LOC400499: variants seen among roughly 807,000 people sequenced by gnomAD.
chr16:11,513,535 A>T, the LOC400499 span, among the ~76,000 whole-genome samples: 3 of 151,968 alleles, frequency 2.0e-5, no homozygotes, highest in East Asian at 1.9e-4. Flanking sequence ...GGTTCAAACG[A>T]TTCTCCGGCT....
chr16:11,372,829 C>T, the LOC400499 span: 1 of 460,794 alleles, frequency 2.2e-6, no homozygotes, highest in Non-Finnish European at 2.9e-6. Context: ...GCTAGGGCCC[C>T]TGGCCTTCAT....
chr16:11,384,870 C>G, the LOC400499 span: 1 of 1,232,300 alleles, frequency 8.1e-7, no homozygotes, highest in Non-Finnish European at 1.0e-6. Context: ...GGCCAACCCT[C>G]CTGGGGCCCA....
chr16:11,506,512 T>C, the LOC400499 span, among the ~76,000 whole-genome samples: 2 of 152,138 alleles, frequency 1.3e-5, no homozygotes, highest in Non-Finnish European at 2.9e-5. Flanking sequence ...ACACCCAAGA[T>C]TGGTGATAAG....
At chr16:11,464,113 T>A in the LOC400499 span, among the ~76,000 whole-genome samples, 1 of 152,162 alleles carries the variant, frequency 6.6e-6, no homozygotes, top group African/African-American at 2.4e-5. Context: ...TATCTACATG[T>A]GGATGTTCGT....
chr16:11,505,600 C>T, the LOC400499 span, among the ~76,000 whole-genome samples: 106,398 of 151,142 alleles, frequency 0.7, 37,627 homozygotes, highest in Admixed American at 0.76. Context: ...ACCACAGGCA[C>T]GTACCACCAT....
chr16:11,469,274 G>T, the LOC400499 span: 2 of 399,124 alleles, frequency 5.0e-6, no homozygotes, highest in Non-Finnish European at 8.8e-6. Flanking sequence ...CAAAACAAGA[G>T]TTTAGAGACA....
At chr16:11,472,026 C>T in the LOC400499 span, 5 of 389,838 alleles carry the variant, frequency 1.3e-5, no homozygotes, top group Non-Finnish European at 2.3e-5. Context: ...ATCAGATCAT[C>T]TTATTTGGGG....
chr16:11,406,896 G>C, the LOC400499 span, among the ~76,000 whole-genome samples: 1 of 152,148 alleles, frequency 6.6e-6, no homozygotes, highest in Non-Finnish European at 1.5e-5. Context: ...GGCATATTTC[G>C]TTTGTGTGAT....
At chr16:11,475,960 G>C in the LOC400499 span, among the ~76,000 whole-genome samples, 16 of 151,942 alleles carry the variant, frequency 1.1e-4, no homozygotes, top group Non-Finnish European at 2.9e-5. Context: ...GGGCTGTCTC[G>C]GGGATAGAGC....
At chr16:11,390,119 G>A in the LOC400499 span, 1 of 1,232,332 alleles carries the variant, frequency 8.1e-7, no homozygotes, top group Non-Finnish European at 1.0e-6. Context: ...CCGACAGGCT[G>A]TACAGGTCCA....
chr16:11,504,373 T>G, the LOC400499 span, among the ~76,000 whole-genome samples: 1 of 151,954 alleles, frequency 6.6e-6, no homozygotes, highest in Non-Finnish European at 1.5e-5. Flanking sequence ...ATGGCCAACA[T>G]GGTGAAACTC....
chr16:11,472,403 G>T, the LOC400499 span: 1 of 152,122 alleles, frequency 6.6e-6, no homozygotes, highest in East Asian at 1.9e-4. Context: ...ATATTGGCCA[G>T]GCTGATCTTG....
the LOC400499 span, among the ~76,000 whole-genome samples, chr16:11,415,131 A>T: frequency 1.3e-5 from 2 of 152,150 alleles, no homozygotes. Context: ...GGCCACTGAC[A>T]TCCACCTGCA....
At chr16:11,400,147 G>A in the LOC400499 span, among the ~76,000 whole-genome samples, 2 of 151,270 alleles carry the variant, frequency 1.3e-5, no homozygotes, top group African/African-American at 4.9e-5. Context: ...GGGCCTCCAG[G>A]GCCAGCATGA....
the LOC400499 span, among the ~76,000 whole-genome samples, chr16:11,375,938 G>T: frequency 6.6e-6 from 1 of 151,744 alleles, no homozygotes; most frequent in Non-Finnish European, 1.5e-5. Context: ...ACCCCATGGA[G>T]AACATGTTGA....
At chr16:11,524,494 A>G in the LOC400499 span, among the ~76,000 whole-genome samples, 7 of 151,942 alleles carry the variant, frequency 4.6e-5, no homozygotes, top group African/African-American at 1.7e-4. Context: ...CTCATCCTGA[A>G]TGAATCAGAC....
chr16:11,400,060 GAAAA>G, the LOC400499 span, among the ~76,000 whole-genome samples: 1 of 146,066 alleles, frequency 6.8e-6, no homozygotes, highest in Non-Finnish European at 1.5e-5. Flanking sequence ...GCATTTAAAT[GAAAA>G]AAAAAAAAAG....
At chr16:11,458,207 G>A in the LOC400499 span, among the ~76,000 whole-genome samples, 485 of 152,272 alleles carry the variant, frequency 3.2e-3, 6 homozygotes, top group African/African-American at 0.011. Flanking sequence ...TTAGCCGGGC[G>A]TGGTCGTGGG....
At chr16:11,512,152 C>A in the LOC400499 span, among the ~76,000 whole-genome samples, 1 of 152,046 alleles carries the variant, frequency 6.6e-6, no homozygotes, top group East Asian at 1.9e-4. Context: ...CATGGTGGCA[C>A]ATGCCTGTAA....
Sources: gnomAD v4.1 joint callset for allele counts (sites outside exome capture counted in the v4.1 genomes callset) on GRCh38, gnomAD v4.1.1 for gene constraint, MANE v1.5 for transcripts.